ZNF385B: variants seen among roughly 807,000 people sequenced by gnomAD.
ZNF385B encodes the protein zinc finger protein 385B, also known as zinc finger protein 533.
ZNF385B carries 23 observed loss-of-function variants against 39.2 expected under a neutral mutation model. The observed-to-expected ratio is 0.59, with a 90% confidence interval of 0.42 to 0.83. The LOEUF (loss-of-function observed/expected upper bound fraction) is 0.83, where lower values mean the gene tolerates loss of function less well. ZNF385B is among the 40% of genes least tolerant of loss of function. The pLI is 0.00. For missense variants in ZNF385B, 552 were observed against 598.9 expected, an observed-to-expected ratio of 0.92 and a Z score of 0.82; for synonymous variants, 205 against 222.6, an observed-to-expected ratio of 0.92 and a Z score of 0.70.
chr2:179,777,644 C>T (rs999311920), intron 1 of ZNF385B, among the ~76,000 whole-genome samples: 7 of 151,984 alleles, frequency 4.6e-5, no homozygotes, highest in African/African-American at 1.7e-4. Flanking sequence ...GAATTATTCT[C>T]ATCTTTTAAA....
intron 3 of ZNF385B, among the ~76,000 whole-genome samples, chr2:179,610,963 GT>G (rs1689240907): frequency 6.6e-6 from 1 of 152,020 alleles, no homozygotes; most frequent in South Asian, 2.1e-4. Flanking sequence ...GATTTTCCAA[GT>G]ATAAGATTAT....
At chr2:179,740,412 G>A (rs944314850) in intron 3 of ZNF385B, among the ~76,000 whole-genome samples, 2 of 152,106 alleles carry the variant, frequency 1.3e-5, no homozygotes, top group South Asian at 2.1e-4. Context: ...GTTCCCTGGG[G>A]GAGGCATCTT....
intron 3 of ZNF385B, among the ~76,000 whole-genome samples, chr2:179,746,514 A>G (rs1458751012): frequency 6.6e-6 from 1 of 152,180 alleles, no homozygotes; most frequent in African/African-American, 2.4e-5. Flanking sequence ...GTGCGATGCT[A>G]TGCTAGCACC....
At chr2:179,454,469 T>C (rs1351013391) in intron 6 of ZNF385B, among the ~76,000 whole-genome samples, 1 of 151,984 alleles carries the variant, frequency 6.6e-6, no homozygotes, top group Non-Finnish European at 1.5e-5. Context: ...TATACTATGC[T>C]TTTTATAATA....
chr2:179,590,355 G>A (rs1305637689), intron 3 of ZNF385B, among the ~76,000 whole-genome samples: 3 of 152,142 alleles, frequency 2.0e-5, no homozygotes, highest in African/African-American at 7.2e-5. Flanking sequence ...TGTATACATG[G>A]GGTTTAAGCC....
At chr2:179,625,605 T>C (rs1332060317) in intron 3 of ZNF385B, among the ~76,000 whole-genome samples, 1 of 152,076 alleles carries the variant, frequency 6.6e-6, no homozygotes. Context: ...TTAGTAAGTA[T>C]ATACTACTGT....
Position 179,788,705 on chromosome 2 carries a change from T to C in ZNF385B, c.-154-18033A>G, listed in dbSNP as rs566111089. On this transcript the variant is annotated intron_variant, in intron 1 of 9. Transcript: ENST00000410066. ...ATTGAGATTGTCAGACATTTGATTCTAAGAATCAAAATCCGAGACTGTTCA... is the reference window on the plus strand; with the variant it reads ...ATTGAGATTGTCAGACATTTGATTCCAAGAATCAAAATCCGAGACTGTTCA... 5.3e-5 allele frequency among the ~76,000 whole-genome samples: 8 copies of C among 152,294 alleles called. No individual in the cohort carries two copies. In the East Asian group the frequency reaches 1.5e-3, roughly 29 times the overall value.
intron 3 of ZNF385B, among the ~76,000 whole-genome samples, chr2:179,653,625 A>G (rs932113): frequency 0.2 from 30,498 of 152,184 alleles, 3,367 homozygotes; most frequent in Admixed American, 0.25. Flanking sequence ...CTGATACCAC[A>G]TACAATAGAA....
intron 1 of ZNF385B, among the ~76,000 whole-genome samples, chr2:179,783,023 A>C (rs1022004557): frequency 3.3e-5 from 5 of 152,190 alleles, no homozygotes; most frequent in Non-Finnish European, 7.3e-5. Context: ...CCGAATGGCC[A>C]AGGCAATCTT....
intron 3 of ZNF385B, among the ~76,000 whole-genome samples, chr2:179,727,506 T>C (rs181001675): frequency 3.5e-4 from 54 of 152,194 alleles, no homozygotes; most frequent in African/African-American, 1.3e-3. Context: ...TCTGCCCTTT[T>C]AAGGAGTAAT....
intron 3 of ZNF385B, among the ~76,000 whole-genome samples, chr2:179,608,121 C>T (rs962859204): frequency 3.3e-5 from 5 of 152,000 alleles, no homozygotes; most frequent in African/African-American, 1.2e-4. Flanking sequence ...ACCACATTGG[C>T]CAGGCTGGTC....
At chr2:179,814,362 T>A (rs1207794290) in intron 1 of ZNF385B, 1 of 301,090 alleles carries the variant, frequency 3.3e-6, no homozygotes, top group Non-Finnish European at 6.7e-6. Flanking sequence ...GGACCCCACA[T>A]GCATGAAAAT....
At chr2:179,733,399 CTTCCATTTCCCCT>C (rs1701522291) in intron 3 of ZNF385B, among the ~76,000 whole-genome samples, 1 of 152,216 alleles carries the variant, frequency 6.6e-6, no homozygotes. Context: ...CATCACATTC[CTTCCATTTCCCCT>C]CCACTTCTTT....
intron 4 of ZNF385B, among the ~76,000 whole-genome samples, chr2:179,520,168 T>G (rs1023230842): frequency 6.6e-6 from 1 of 151,052 alleles, no homozygotes; most frequent in African/African-American, 2.4e-5. Context: ...CCTGTCTCCA[T>G]CTTAAAAAAA....
At chr2:179,590,560 G>A (rs1687470671) in intron 3 of ZNF385B, among the ~76,000 whole-genome samples, 1 of 151,916 alleles carries the variant, frequency 6.6e-6, no homozygotes, top group Non-Finnish European at 1.5e-5. Context: ...AATATCATTC[G>A]GTTATTTCAG....
At chr2:179,742,305 C>T (rs1464411231) in intron 3 of ZNF385B, among the ~76,000 whole-genome samples, 2 of 152,066 alleles carry the variant, frequency 1.3e-5, no homozygotes, top group African/African-American at 4.8e-5. Context: ...GAATGTGCAG[C>T]CTCCATTTTG....
chr2:179,626,421 T>G (rs1248146262), intron 3 of ZNF385B, among the ~76,000 whole-genome samples: 1 of 152,180 alleles, frequency 6.6e-6, no homozygotes, highest in Non-Finnish European at 1.5e-5. Flanking sequence ...CCTAAGTATT[T>G]GCTCAGAAAT....
Position 179,780,664 on chromosome 2 carries a change from A to T in ZNF385B, c.-154-9992T>A, listed in dbSNP as rs533396393. On this transcript the variant is annotated intron_variant, in intron 1 of 9. Coordinates refer to ENST00000410066, the MANE Select transcript of ZNF385B (RefSeq NM_152520.6). ...TACTAATTCCTTTCTCTCTAAGAAA[A>T]TTTTTTATTCCAAACATCACAATAG... Among the ~76,000 whole-genome samples the T allele has an allele frequency of 5.9e-5, 9 of 152,200 alleles. No individual in the cohort carries two copies. The East Asian group carries it at 1.5e-3, about 26-fold the overall frequency.
intron 3 of ZNF385B, among the ~76,000 whole-genome samples, chr2:179,581,327 T>G (rs1278801661): frequency 6.6e-6 from 1 of 152,214 alleles, no homozygotes; most frequent in Non-Finnish European, 1.5e-5. Context: ...AGTTGTTACA[T>G]ATAAAAACAA....
Sources: allele counts gnomAD v4.1 joint callset (sites outside exome capture counted in the v4.1 genomes callset), GRCh38; gene constraint gnomAD v4.1.1; transcripts MANE v1.5; gene names NCBI Gene and HGNC (gene_info 2026-07-23, HGNC 2026-07-21).